The following OTOGL variants were observed in gnomAD, a reference collection of about 807,000 sequenced individuals.
OTOGL encodes the protein otogelin like.
Under a neutral mutation model 318.5 loss-of-function variants are expected in OTOGL, and 285 were observed. The ratio of observed to expected loss-of-function variants is 0.89; its 90% confidence interval spans 0.81 to 0.99. The LOEUF (loss-of-function observed/expected upper bound fraction) is 0.99. OTOGL is among the 50% of genes least tolerant of loss of function. OTOGL has a pLI of 0.00. For synonymous variants in OTOGL, 987 were observed against 936.5 expected (o/e 1.05, Z -0.99); for missense variants, 2,899 against 2,845.6 (o/e 1.02, Z -0.43).
intron 1 of OTOGL, among the ~76,000 whole-genome samples, chr12:80,131,540 G>T (rs757624668): frequency 2.0e-5 from 3 of 152,162 alleles, no homozygotes; most frequent in Non-Finnish European, 4.4e-5. Flanking sequence ...TGTCCTATGA[G>T]AATCACCTGC....
rs764535043 is a variant in OTOGL at position 80,356,489 on chromosome 12, T to A, written c.5880T>A (p.Ser1960Arg). 1.3e-5 allele frequency: 21 copies of A among 1,611,356 alleles called. No individual in the cohort carries two copies. The highest frequency in any genetic ancestry group is 6.8e-6 in the Non-Finnish European group (8 of 1,178,432). ...GTCAAAAATTGATTGTTGGCCACAG[T>A]CCTCTTTCTTGCTGTCCACAGTACA... ...TNSQKLIVGH[S>R]PLSCCPQYKC... Residue 1960 changes from serine to arginine, a missense_variant, in exon 48 of 59, where the codon AGT becomes AGA. By Grantham distance (110) the Ser-to-Arg change is moderately radical. Transcript: ENST00000547103.
At chr12:80,192,670 T>C (rs1417935887) in intron 1 of OTOGL, among the ~76,000 whole-genome samples, 1 of 152,266 alleles carries the variant, frequency 6.6e-6, no homozygotes, top group East Asian at 1.9e-4. Context: ...GGCAAGTCTT[T>C]TTGGAGAAAA....
At chr12:80,258,042 G>A in intron 18 of OTOGL, 40 bp downstream of exon 18, 1 of 1,458,092 alleles carries the variant, frequency 6.9e-7, no homozygotes, top group Non-Finnish European at 9.1e-7. Context: ...CTTAATGACT[G>A]GTCATTTAAA....
At chr12:80,215,996 C>A (rs992575991) in intron 4 of OTOGL, among the ~76,000 whole-genome samples, 1 of 152,098 alleles carries the variant, frequency 6.6e-6, no homozygotes, top group Admixed American at 6.6e-5. Flanking sequence ...AGAAAGAAAT[C>A]TTCAAATAGT....
chr12:80,149,914 A>C (rs1340412130), intron 1 of OTOGL, among the ~76,000 whole-genome samples: 1 of 151,888 alleles, frequency 6.6e-6, no homozygotes, highest in South Asian at 2.1e-4. Flanking sequence ...GCTTCGGCTC[A>C]TGCACGGTGC....
In OTOGL at chr12:80,276,337, G is replaced by C. The variant is rs186245833; in HGVS notation, c.2682-1831G>C. 2.3e-3 allele frequency among the ~76,000 whole-genome samples: 348 copies of C among 151,880 alleles called. 1 individual carries two copies. Among genetic ancestry groups the C allele is most frequent in the African/African-American group, 8.0e-3 (334 of 41,516 alleles). On this transcript the variant is annotated intron_variant, in intron 24 of 58. Transcript: ENST00000547103. ...CCTTAGGGGACTGTCACTAGGATAA[G>C]ATCAGTTAGGGGCATAGTTAAAATG...
intron 1 of OTOGL, among the ~76,000 whole-genome samples, chr12:80,185,100 T>C (rs1875192500): frequency 6.6e-6 from 1 of 152,178 alleles, no homozygotes; most frequent in African/African-American, 2.4e-5. Flanking sequence ...CGGATGCCAA[T>C]GCTCTGTTAA....
intron 1 of OTOGL, among the ~76,000 whole-genome samples, chr12:80,107,687 A>G (rs1396060353): frequency 1.3e-5 from 2 of 152,252 alleles, no homozygotes; most frequent in South Asian, 2.1e-4. Context: ...AAACAAAGAC[A>G]TGGAATCAAC....
At chr12:80,115,632 T>C (rs946671490) in intron 1 of OTOGL, among the ~76,000 whole-genome samples, 1 of 152,252 alleles carries the variant, frequency 6.6e-6, no homozygotes, top group Non-Finnish European at 1.5e-5. Context: ...TTAAGTCTGC[T>C]GAAGCTGTTC....
chr12:80,294,549 C>T (rs1007456132), intron 26 of OTOGL, among the ~76,000 whole-genome samples: 6 of 151,862 alleles, frequency 4.0e-5, no homozygotes, highest in African/African-American at 1.5e-4. Context: ...TCTTAATGAC[C>T]CTTATTATTT....
At chr12:80,123,516 C>A (rs1032662454) in intron 1 of OTOGL, among the ~76,000 whole-genome samples, 17 of 151,104 alleles carry the variant, frequency 1.1e-4, no homozygotes, top group African/African-American at 4.2e-4. Context: ...GCCTTTATAG[C>A]AGCATGATTT....
intron 1 of OTOGL, among the ~76,000 whole-genome samples, chr12:80,146,639 G>A (rs1207734762): frequency 1.3e-5 from 2 of 151,936 alleles, no homozygotes; most frequent in Non-Finnish European, 2.9e-5. Context: ...AATGGTATCA[G>A]TTCCTCCTTG....
At chr12:80,101,732 T>A (rs1032256981) in intron 1 of OTOGL, among the ~76,000 whole-genome samples, 7 of 152,278 alleles carry the variant, frequency 4.6e-5, no homozygotes, top group Admixed American at 3.9e-4. Flanking sequence ...CTCACACTGC[T>A]AAAGCAACTT....
intron 19 of OTOGL, among the ~76,000 whole-genome samples, chr12:80,263,139 C>A (rs1271541802): frequency 6.6e-6 from 1 of 152,088 alleles, no homozygotes; most frequent in East Asian, 1.9e-4. Flanking sequence ...CCTCTTTGAT[C>A]ATTTTTCTTA....
intron 30 of OTOGL, among the ~76,000 whole-genome samples, chr12:80,313,081 A>C (rs1236150153): frequency 1.3e-5 from 2 of 152,338 alleles, no homozygotes; most frequent in East Asian, 1.9e-4. Context: ...AGGATGTTGC[A>C]TGAGCAGGGG....
At chr12:80,331,521 G>A (rs1339350599) in intron 37 of OTOGL, among the ~76,000 whole-genome samples, 1 of 151,786 alleles carries the variant, frequency 6.6e-6, no homozygotes, top group Non-Finnish European at 1.5e-5. Flanking sequence ...TGTATTTTTA[G>A]TAGAGGCGGG....
chr12:80,270,248 T>C lies in OTOGL; in HGVS notation c.2518+94T>C, dbSNP rs1883307207. 6.0e-6 allele frequency: 6 copies of C among 1,003,534 alleles called. No individual in the cohort carries two copies. In the East Asian group the frequency reaches 1.3e-4, roughly 21 times the overall value. The allele number at this position is 1,003,534 out of a possible 1,614,324, so 62.2% of individuals were successfully genotyped here. On this transcript the variant is annotated intron_variant, in intron 23 of 58. Transcript: ENST00000547103. Reference sequence around the variant, plus strand: ...GTCATCAATCACCTCTTCTTCCCAATGTGCATGGCTATAGCCTTGGGAATG... The same window carrying C: ...GTCATCAATCACCTCTTCTTCCCAACGTGCATGGCTATAGCCTTGGGAATG...
chr12:80,213,409 T>C (rs914538236), intron 4 of OTOGL, among the ~76,000 whole-genome samples: 9 of 152,134 alleles, frequency 5.9e-5, no homozygotes, highest in Non-Finnish European at 2.9e-5. Context: ...ACCTGTATCT[T>C]GTGATGCCAG....
chr12:80,241,170 T>C (rs1183298664), intron 11 of OTOGL, among the ~76,000 whole-genome samples: 1 of 152,084 alleles, frequency 6.6e-6, no homozygotes, highest in Non-Finnish European at 1.5e-5. Flanking sequence ...TTATAACTAC[T>C]CCTCTCTAAT....
Sources: gnomAD v4.1 joint callset for allele counts (sites outside exome capture counted in the v4.1 genomes callset) on GRCh38, gnomAD v4.1.1 for gene constraint, MANE v1.5 for transcripts, NCBI Gene and HGNC (gene_info 2026-07-23, HGNC 2026-07-21) for gene names.